OPCML: variants seen among roughly 807,000 people sequenced by gnomAD.
OPCML encodes the protein opioid binding protein/cell adhesion molecule like.
A neutral mutation model predicts 37.8 loss-of-function variants in OPCML; 13 were observed. The observed-to-expected ratio is 0.34, with a 90% CI of 0.22 to 0.55. The LOEUF (loss-of-function observed/expected upper bound fraction) is 0.55, where lower values mean the gene tolerates loss of function less well. OPCML is among the 20% of genes least tolerant of loss of function. The pLI, the probability that OPCML is intolerant of heterozygous loss-of-function variation, is 0.91. For missense variants in OPCML, 341 were observed against 435.6 expected (o/e 0.78, Z 1.93); for synonymous variants, 176 against 168.8 (o/e 1.04, Z -0.33).
chr11:133,478,753 A>G (rs1565656396), intron 1 of OPCML, among the ~76,000 whole-genome samples: 1 of 152,172 alleles, frequency 6.6e-6, no homozygotes, highest in South Asian at 2.1e-4. Context: ...TGAGGTTTCA[A>G]TTGCATGTCT....
At chr11:133,321,118 A>G (rs1453378465) in intron 1 of OPCML, among the ~76,000 whole-genome samples, 1 of 152,214 alleles carries the variant, frequency 6.6e-6, no homozygotes, top group Non-Finnish European at 1.5e-5. Flanking sequence ...GTGGGGGGAC[A>G]ATAAAACATG....
chr11:132,582,342 T>C (rs1195885620), intron 3 of OPCML, among the ~76,000 whole-genome samples: 2 of 151,896 alleles, frequency 1.3e-5, no homozygotes, highest in Non-Finnish European at 2.9e-5. Context: ...GGTCAAACAA[T>C]AGACTTGGAG....
At chr11:132,698,025 T>G (rs1452556963) in intron 2 of OPCML, among the ~76,000 whole-genome samples, 2 of 126,302 alleles carry the variant, frequency 1.6e-5, no homozygotes, top group Non-Finnish European at 3.4e-5. Flanking sequence ...TTTATTTATT[T>G]ATTGTAGAGA....
chr11:132,646,903 A>C, intron 3 of OPCML, among the ~76,000 whole-genome samples: 1 of 152,228 alleles, frequency 6.6e-6, no homozygotes, highest in East Asian at 1.9e-4. Flanking sequence ...GGAGCCAATG[A>C]TATAGAGCTG....
At chr11:133,028,277 G>T (rs1182664942) in intron 1 of OPCML, among the ~76,000 whole-genome samples, 1 of 152,042 alleles carries the variant, frequency 6.6e-6, no homozygotes, top group Non-Finnish European at 1.5e-5. Flanking sequence ...ATTCCTACAG[G>T]TGGGATGTCA....
At chr11:132,423,445 C>T (rs1418133781) in intron 7 of OPCML, among the ~76,000 whole-genome samples, 2 of 152,208 alleles carry the variant, frequency 1.3e-5, no homozygotes, top group Non-Finnish European at 2.9e-5. Context: ...GTCAGCTGGG[C>T]CAAATGCCAA....
intron 2 of OPCML, among the ~76,000 whole-genome samples, chr11:132,837,788 A>C (rs892576796): frequency 6.6e-6 from 1 of 152,008 alleles, no homozygotes; most frequent in Admixed American, 6.5e-5. Context: ...ATGGCGGGGG[A>C]AGGCGGGCAT....
intron 1 of OPCML, among the ~76,000 whole-genome samples, chr11:133,484,736 T>A (rs1032878636): frequency 1.3e-5 from 2 of 152,100 alleles, no homozygotes; most frequent in Admixed American, 1.3e-4. Flanking sequence ...TTGTACCATA[T>A]CCAAGTAGAG....
At chr11:133,051,364 G>A (rs949565929) in intron 1 of OPCML, among the ~76,000 whole-genome samples, 12 of 152,046 alleles carry the variant, frequency 7.9e-5, no homozygotes, top group African/African-American at 2.7e-4. Flanking sequence ...TCTCCCAACC[G>A]AAAAAAGGAA....
intron 2 of OPCML, among the ~76,000 whole-genome samples, chr11:132,806,789 G>A (rs1037508657): frequency 1.3e-5 from 2 of 152,114 alleles, no homozygotes; most frequent in Admixed American, 6.5e-5. Flanking sequence ...ACACCCAACA[G>A]TGCCATCATA....
chr11:133,428,499 A>G (rs1296489586), intron 1 of OPCML, among the ~76,000 whole-genome samples: 1 of 152,250 alleles, frequency 6.6e-6, no homozygotes, highest in East Asian at 1.9e-4. Context: ...TGTTGCTGAT[A>G]GATAGAAATT....
At chr11:133,288,082 T>C (rs535634892) in intron 1 of OPCML, among the ~76,000 whole-genome samples, 1 of 152,352 alleles carries the variant, frequency 6.6e-6, no homozygotes, top group South Asian at 2.1e-4. Flanking sequence ...TCTAAGCATC[T>C]TATTGTGTGT....
chr11:132,835,953 G>A (rs4486641), intron 2 of OPCML, among the ~76,000 whole-genome samples: 30,849 of 152,112 alleles, frequency 0.2, 4,055 homozygotes, highest in Non-Finnish European at 0.3. Context: ...TTTTGTTGTT[G>A]TTGTTTCATG....
At chr11:132,791,687 C>T (rs1937917977) in intron 2 of OPCML, among the ~76,000 whole-genome samples, 1 of 152,144 alleles carries the variant, frequency 6.6e-6, no homozygotes, top group African/African-American at 2.4e-5. Flanking sequence ...TGCATGCACT[C>T]GGCTGCCTCA....
intron 1 of OPCML, among the ~76,000 whole-genome samples, chr11:133,398,604 T>C (rs1010911791): frequency 2.1e-5 from 3 of 141,522 alleles, no homozygotes; most frequent in African/African-American, 8.7e-5. Context: ...TACAAATATC[T>C]TTTTTTAAAA....
chr11:132,486,654 T>C (rs912590788), intron 4 of OPCML, among the ~76,000 whole-genome samples: 2 of 152,152 alleles, frequency 1.3e-5, no homozygotes, highest in Non-Finnish European at 2.9e-5. Flanking sequence ...AATTTTCCTT[T>C]CTTTCTTTTC....
At chr11:133,233,772 C>T (rs1270698782) in intron 1 of OPCML, among the ~76,000 whole-genome samples, 2 of 152,174 alleles carry the variant, frequency 1.3e-5, no homozygotes, top group South Asian at 2.1e-4. Flanking sequence ...AATTTGCATG[C>T]TTTTCTCCTG....
At chr11:133,197,085 G>A (rs1362068372) in intron 1 of OPCML, among the ~76,000 whole-genome samples, 3 of 152,138 alleles carry the variant, frequency 2.0e-5, no homozygotes, top group Non-Finnish European at 2.9e-5. Flanking sequence ...GTTAAATTAA[G>A]TTTCTCCCCC....
intron 1 of OPCML, among the ~76,000 whole-genome samples, chr11:133,488,027 A>G (rs751613314): frequency 3.3e-5 from 5 of 152,202 alleles, no homozygotes; most frequent in Non-Finnish European, 7.4e-5. Context: ...AAATCATATT[A>G]TCATTTCAAT....
Sources: gnomAD v4.1 joint callset for allele counts (sites outside exome capture counted in the v4.1 genomes callset) on GRCh38, gnomAD v4.1.1 for gene constraint, MANE v1.5 for transcripts, NCBI Gene and HGNC (gene_info 2026-07-23, HGNC 2026-07-21) for gene names.